Variants in RAP1A observed in about 807,000 individuals in gnomAD.
The protein encoded by RAP1A is RAP1A, member of RAS oncogene family.
Under a neutral mutation model 26.4 loss-of-function variants are expected in RAP1A, and 6 were observed. The ratio of observed to expected loss-of-function variants is 0.23; its 90% confidence interval spans 0.12 to 0.45. The LOEUF is 0.45. Ranked by LOEUF, RAP1A falls within the 20% of genes least tolerant of loss-of-function variation. The pLI is 0.99. For synonymous variants in RAP1A, 73 were observed against 79.4 expected (o/e 0.92, Z 0.43); for missense variants, 121 against 217.2 (o/e 0.56, Z 2.78).
intron 1 of RAP1A, among the ~76,000 whole-genome samples, chr1:111,663,078 TAATTTTTGTATTTTTAGTAG>T (rs908968384): frequency 9.9e-5 from 15 of 152,128 alleles, no homozygotes; most frequent in African/African-American, 3.6e-4. Context: ...CATGCCCAGT[TAATTTTTGTATTTTTAGTAG>T]AGACAGGGTT....
chr1:111,617,587 C>T (rs1488649812), upstream of RAP1A, among the ~76,000 whole-genome samples: 1 of 152,030 alleles, frequency 6.6e-6, no homozygotes, highest in African/African-American at 2.4e-5. Flanking sequence ...CGCCTGCCAC[C>T]ACGCCTGGCT....
chr1:111,625,248 C>T (rs554414772), intron 1 of RAP1A, among the ~76,000 whole-genome samples: 2 of 152,216 alleles, frequency 1.3e-5, no homozygotes, highest in East Asian at 3.9e-4. Flanking sequence ...GCTGTACCCA[C>T]TTATTCTGGA....
rs148940413 is a variant in RAP1A, at chr1:111,676,210, G to C, written c.-27-15124G>C. ...GTTTCTACTAAAAATACAAAAATTA[G>C]CCAGGCATGGTGGTGGGCGCCTGTA... On this transcript the variant is annotated intron_variant, in intron 1 of 7. Coordinates refer to ENST00000369709, the MANE Select transcript of RAP1A (RefSeq NM_002884.4). 1.2e-3 allele frequency among the ~76,000 whole-genome samples: 188 copies of C among 152,238 alleles called. 3 individuals are homozygous for C. The East Asian group carries it at 0.034, about 27-fold the overall frequency.
intron 1 of RAP1A, among the ~76,000 whole-genome samples, chr1:111,626,867 C>A (rs918454253): frequency 6.6e-6 from 1 of 152,076 alleles, no homozygotes; most frequent in Non-Finnish European, 1.5e-5. Context: ...AGATAGTGAG[C>A]CTTGTGCAGT....
chr1:111,607,469 C>G (rs1234528137), intron 1 of RAP1A, among the ~76,000 whole-genome samples: 2 of 152,244 alleles, frequency 1.3e-5, no homozygotes, highest in African/African-American at 4.8e-5. Context: ...CCTTTCCCCA[C>G]TTTCTATTCC....
intron 1 of RAP1A, among the ~76,000 whole-genome samples, chr1:111,575,598 C>T (rs1246451519): frequency 5.3e-5 from 8 of 152,176 alleles, no homozygotes; most frequent in Non-Finnish European, 1.0e-4. Flanking sequence ...CCAATACCTC[C>T]AAGTGTCCTT....
At chr1:111,605,427 TTTGG>T (rs1658751078) in intron 1 of RAP1A, among the ~76,000 whole-genome samples, 1 of 152,204 alleles carries the variant, frequency 6.6e-6, no homozygotes, top group Non-Finnish European at 1.5e-5. Context: ...TTCCAATCAT[TTTGG>T]TCTTCGTACT....
At chr1:111,697,595 A>G in intron 4 of RAP1A, 98 bp downstream of exon 4, 4 of 1,551,684 alleles carry the variant, frequency 2.6e-6, no homozygotes, top group Non-Finnish European at 2.6e-6. Context: ...AGTAAAAGTA[A>G]TCATTCTGAT....
chr1:111,633,220 TG>T (rs1238790524), intron 1 of RAP1A, among the ~76,000 whole-genome samples: 3 of 152,236 alleles, frequency 2.0e-5, no homozygotes, highest in African/African-American at 7.2e-5. Context: ...TAATTTTTCC[TG>T]GTGGATTTCT....
At chr1:111,553,083 G>T (rs769295731) in intron 1 of RAP1A, among the ~76,000 whole-genome samples, 6 of 152,184 alleles carry the variant, frequency 3.9e-5, no homozygotes, top group Non-Finnish European at 7.3e-5. Flanking sequence ...GATGACTTCT[G>T]CTGGGAAACA....
At chr1:111,687,696 T>TA (rs1225131393) in intron 1 of RAP1A, among the ~76,000 whole-genome samples, 4 of 152,224 alleles carry the variant, frequency 2.6e-5, no homozygotes, top group Admixed American at 2.6e-4. Flanking sequence ...CTGTGATTGT[T>TA]ACCATTTTTG....
intron 1 of RAP1A, among the ~76,000 whole-genome samples, chr1:111,662,230 C>G (rs1660661093): frequency 6.6e-6 from 1 of 151,736 alleles, no homozygotes; most frequent in Non-Finnish European, 1.5e-5. Flanking sequence ...CCCGTCTCTA[C>G]TAAAAATACA....
At chr1:111,648,599 C>T in intron 1 of RAP1A, 1 of 525,426 alleles carries the variant, frequency 1.9e-6, no homozygotes, top group Admixed American at 2.5e-5. Flanking sequence ...AGTAGAGGGC[C>T]TCCACCTCCC....
chr1:111,697,121 GAACT>G (rs1661856908), intron 3 of RAP1A, among the ~76,000 whole-genome samples: 1 of 151,954 alleles, frequency 6.6e-6, no homozygotes, highest in Non-Finnish European at 1.5e-5. Context: ...TTTTCTGTTA[GAACT>G]ATACTTGTTC....
At chr1:111,555,401 A>G (rs1657448929) in intron 1 of RAP1A, among the ~76,000 whole-genome samples, 1 of 148,506 alleles carries the variant, frequency 6.7e-6, no homozygotes. Context: ...ATTACCAGAC[A>G]TATTTGAAAA....
intron 1 of RAP1A, among the ~76,000 whole-genome samples, chr1:111,678,892 C>T (rs192748641): frequency 2.7e-3 from 406 of 152,136 alleles, no homozygotes; most frequent in South Asian, 0.02. Context: ...AGCAGTTTTA[C>T]TTCTTCCTTT....
At chr1:111,661,941 T>A (rs72987105) in intron 1 of RAP1A, among the ~76,000 whole-genome samples, 1,560 of 152,316 alleles carry the variant, frequency 0.01, 20 homozygotes, top group African/African-American at 0.036. Context: ...GTATCTTTTT[T>A]TGTGTATTTC....
intron 1 of RAP1A, among the ~76,000 whole-genome samples, chr1:111,651,943 TTTTTTTGTGC>T: frequency 6.6e-6 from 1 of 152,044 alleles, no homozygotes. Context: ...TTGACTTTTT[TTTTTTTGTGC>T]AAAAAGTTTA....
At chr1:111,566,097 G>GT (rs1657912653) in intron 1 of RAP1A, among the ~76,000 whole-genome samples, 1 of 152,084 alleles carries the variant, frequency 6.6e-6, no homozygotes, top group African/African-American at 2.4e-5. Context: ...AAGGTCTCGT[G>GT]TGTTATTTAA....
Sources: allele counts gnomAD v4.1 joint callset (sites outside exome capture counted in the v4.1 genomes callset), GRCh38; gene constraint gnomAD v4.1.1; transcripts MANE v1.5; gene names NCBI Gene and HGNC (gene_info 2026-07-23, HGNC 2026-07-21).